Variants in TAFA1 observed in about 807,000 individuals in gnomAD.
TAFA1 encodes TAFA chemokine like family member 1, also known as chemokine-like protein TAFA-1.
In TAFA1, 4 loss-of-function variants were observed where a neutral mutation model predicts 18.5. The observed-to-expected ratio is 0.22, with a 90% CI of 0.11 to 0.49. The LOEUF (loss-of-function observed/expected upper bound fraction) is 0.49, where lower values mean the gene tolerates loss of function less well. Ranked by LOEUF, TAFA1 falls within the 20% of genes least tolerant of loss-of-function variation. TAFA1 has a pLI of 0.98. For synonymous variants in TAFA1, 56 were observed against 55.2 expected, an observed-to-expected ratio of 1.01 and a Z score of -0.06; for missense variants, 147 against 169.0, an observed-to-expected ratio of 0.87 and a Z score of 0.72.
intron 2 of TAFA1, among the ~76,000 whole-genome samples, chr3:68,231,047 G>A (rs936919039): frequency 6.6e-6 from 1 of 152,096 alleles, no homozygotes; most frequent in African/African-American, 2.4e-5. Context: ...TTTTATCAAA[G>A]ACAATGAAGG....
chr3:68,039,196 A>C (rs1337209785), intron 2 of TAFA1, among the ~76,000 whole-genome samples: 2 of 152,204 alleles, frequency 1.3e-5, no homozygotes, highest in Non-Finnish European at 2.9e-5. Flanking sequence ...CATTTGCTTA[A>C]TCTTCTATTG....
chr3:67,997,633 T>A, the TAFA1 span, among the ~76,000 whole-genome samples: 1 of 152,188 alleles, frequency 6.6e-6, no homozygotes, highest in African/African-American at 2.4e-5. Flanking sequence ...AGACTTCTAT[T>A]CTTCAGAAAT....
intron 2 of TAFA1, among the ~76,000 whole-genome samples, chr3:68,082,237 C>T (rs535027966): frequency 4.9e-4 from 75 of 152,326 alleles, no homozygotes; most frequent in African/African-American, 1.5e-3. Flanking sequence ...GAGATGAACC[C>T]GGTACCTCAG....
intron 2 of TAFA1, among the ~76,000 whole-genome samples, chr3:68,221,374 C>T (rs2066727910): frequency 6.6e-6 from 1 of 152,094 alleles, no homozygotes; most frequent in Admixed American, 6.6e-5. Flanking sequence ...CTGGATCTTC[C>T]CTACATACAA....
At chr3:68,295,118 T>G (rs781675213) in intron 2 of TAFA1, among the ~76,000 whole-genome samples, 3 of 152,198 alleles carry the variant, frequency 2.0e-5, no homozygotes, top group Non-Finnish European at 2.9e-5. Context: ...CCCTAACAGT[T>G]GAATGAGATA....
intron 2 of TAFA1, among the ~76,000 whole-genome samples, chr3:68,246,482 C>T (rs917368922): frequency 1.3e-5 from 2 of 149,676 alleles, no homozygotes; most frequent in South Asian, 2.1e-4. Context: ...CCCAGCTACT[C>T]GGAAGGCTGA....
chr3:68,176,750 CAA>C (rs1249511966), intron 2 of TAFA1, among the ~76,000 whole-genome samples: 12 of 152,258 alleles, frequency 7.9e-5, no homozygotes, highest in Admixed American at 7.2e-4. Context: ...CATAAAATAG[CAA>C]AGAGTTCATT....
At chr3:68,423,527 A>G (rs2070997803) in intron 3 of TAFA1, among the ~76,000 whole-genome samples, 1 of 152,102 alleles carries the variant, frequency 6.6e-6, no homozygotes, top group Non-Finnish European at 1.5e-5. Flanking sequence ...AGTAAAACCA[A>G]CCATGTGGAT....
At chr3:68,345,795 A>G (rs1245846575) in intron 2 of TAFA1, among the ~76,000 whole-genome samples, 1 of 152,216 alleles carries the variant, frequency 6.6e-6, no homozygotes, top group African/African-American at 2.4e-5. Flanking sequence ...TATCCCATTG[A>G]GAATTTATAC....
intron 3 of TAFA1, among the ~76,000 whole-genome samples, chr3:68,455,436 G>A (rs1290919144): frequency 1.3e-5 from 2 of 152,082 alleles, no homozygotes; most frequent in East Asian, 1.9e-4. Context: ...TGGTACCCAC[G>A]TTATAAAAGA....
chr3:68,442,272 CT>C (rs1265100713), intron 3 of TAFA1, among the ~76,000 whole-genome samples: 6 of 152,240 alleles, frequency 3.9e-5, no homozygotes, highest in African/African-American at 1.4e-4. Flanking sequence ...GGCTTTCTTG[CT>C]GGTGGGGACT....
At chr3:68,042,679 T>G (rs1334999840) in intron 2 of TAFA1, among the ~76,000 whole-genome samples, 1 of 152,156 alleles carries the variant, frequency 6.6e-6, no homozygotes, top group Non-Finnish European at 1.5e-5. Context: ...TTATGTATTA[T>G]ATTTAAATAG....
Position 68,390,358 on chromosome 3 carries a change from G to C in TAFA1, c.119-26922G>C, listed in dbSNP as rs993194168. Among the ~76,000 whole-genome samples, 8 of 152,164 alleles carry C rather than the reference G, an allele frequency of 5.3e-5. No individual in the cohort carries two copies. In the East Asian group the frequency reaches 1.5e-3, roughly 29 times the overall value. On this transcript the variant is annotated intron_variant, in intron 2 of 4. Coordinates refer to ENST00000478136, the MANE Select transcript of TAFA1 (RefSeq NM_213609.4). ...GAAAGAAAGGGAGAAACCCCAGTCA[G>C]GGACTTATATATAAAACTCCCATCT...
intron 2 of TAFA1, among the ~76,000 whole-genome samples, chr3:68,038,160 G>A (rs377402173): frequency 1.1e-4 from 16 of 152,118 alleles, no homozygotes; most frequent in East Asian, 9.7e-4. Flanking sequence ...ATTCTTTATC[G>A]TATTTTATCA....
At chr3:68,359,007 T>C (rs948574970) in intron 2 of TAFA1, among the ~76,000 whole-genome samples, 1 of 152,004 alleles carries the variant, frequency 6.6e-6, no homozygotes, top group African/African-American at 2.4e-5. Context: ...GTCCTGGGTC[T>C]CACCACTATA....
Position 68,123,193 on chromosome 3 carries a change from T to C in TAFA1, c.118+116449T>C, listed in dbSNP as rs554080121. 2.6e-5 allele frequency among the ~76,000 whole-genome samples: 4 copies of C among 152,196 alleles called. No homozygotes were observed. In the East Asian group the frequency reaches 7.7e-4, roughly 29 times the overall value. On this transcript the variant is annotated intron_variant, in intron 2 of 4. Coordinates refer to ENST00000478136, the MANE Select transcript of TAFA1 (RefSeq NM_213609.4). ...TGCATCCTTAGATGCTAAGATGCAT[T>C]GTGAGTGCAGAAGAGTGGAGGAAAG...
intron 2 of TAFA1, among the ~76,000 whole-genome samples, chr3:68,405,941 G>A (rs1294519975): frequency 1.3e-5 from 2 of 151,794 alleles, no homozygotes; most frequent in African/African-American, 4.8e-5. Context: ...TTAATAACAA[G>A]GAGAATGGCA....
intron 2 of TAFA1, among the ~76,000 whole-genome samples, chr3:68,349,793 T>G (rs960555509): frequency 6.6e-6 from 1 of 152,088 alleles, no homozygotes; most frequent in African/African-American, 2.4e-5. Flanking sequence ...GGTCTTAGAT[T>G]ATGAACATCT....
chr3:68,226,612 C>T (rs555455280), intron 2 of TAFA1, among the ~76,000 whole-genome samples: 1 of 152,210 alleles, frequency 6.6e-6, no homozygotes, highest in Admixed American at 6.5e-5. Flanking sequence ...TGCTTGCCCT[C>T]CTCTTCTTCA....
Sources: allele counts gnomAD v4.1 joint callset (sites outside exome capture counted in the v4.1 genomes callset), GRCh38; gene constraint gnomAD v4.1.1; transcripts MANE v1.5; gene names NCBI Gene and HGNC (gene_info 2026-07-23, HGNC 2026-07-21).